Variants in PRPF38A observed in about 807,000 individuals in gnomAD.
PRPF38A encodes pre-mRNA processing factor 38A.
PRPF38A carries 11 observed loss-of-function variants against 46.8 expected under a neutral mutation model. The ratio of observed to expected loss-of-function variants is 0.24; its 90% CI spans 0.15 to 0.39. The LOEUF (loss-of-function observed/expected upper bound fraction) is 0.39, where lower values mean the gene tolerates loss of function less well. Ranked by LOEUF, PRPF38A falls within the 10% of genes least tolerant of loss-of-function variation. The probability of loss-of-function intolerance (pLI) is 1.00; values close to 1 mark genes in which losing one functional copy is unlikely to be tolerated. For missense variants in PRPF38A, 261 were observed against 407.5 expected, an observed-to-expected ratio of 0.64 and a Z score of 3.10; for synonymous variants, 124 against 136.2, an observed-to-expected ratio of 0.91 and a Z score of 0.62.
Position 52,405,755 on chromosome 1 carries a change from C to T in PRPF38A, c.206C>T (p.Pro69Leu), listed in dbSNP as rs1347529145. Residue 69 changes from proline (P) to leucine (L), a missense_variant, in exon 2 of 10, where the codon CCC becomes CTC. Pro to Leu is a moderately conservative substitution (Grantham distance 98). Transcript: ENST00000257181. ...GVYGGNIKPT[P>L]FLCLTLKMLQ... The stretch of plus-strand genomic sequence containing the variant: ...TATGGTGGCAACATAAAACCAACAC[C>T]CTTTCTGTGTTTAACCTTGAAGATG... 6.2e-7 allele frequency: 1 copy of T among 1,613,908 alleles called. No homozygotes were observed. The highest frequency in any genetic ancestry group is 2.2e-5 in the East Asian group (1 of 44,868).
intron 3 of PRPF38A, among the ~76,000 whole-genome samples, chr1:52,410,127 A>G (rs969086358): frequency 8.1e-6 from 1 of 123,072 alleles, no homozygotes; most frequent in African/African-American, 2.6e-5. Flanking sequence ...TATATAATTT[A>G]TATATAACAT....
At position 52,419,472 on chromosome 1, in the gene PRPF38A, C is replaced by CGAA. The variant is rs1557595866; in HGVS notation, c.*2784_*2786dup. 6.6e-6 allele frequency: 1 copy of CGAA among 151,288 alleles called. No homozygotes were observed. The highest frequency in any genetic ancestry group is 1.5e-5 in the Non-Finnish European group (1 of 67,920). 9.4% of individuals were successfully genotyped at this position (151,288 alleles called of 1,614,324 possible). A position where few individuals can be genotyped will look rare whatever the true frequency, so the allele number is the denominator to read the frequency against. ...TCCTGTTTGTTATTCTTCAGTAGAC[C>CGAA]GAAGTTTAAATAAGCATTATTTAGA... On this transcript the variant is annotated 3_prime_UTR_variant, in exon 10 of 10. Transcript: ENST00000257181.
At chr1:52,414,018 C>G in intron 6 of PRPF38A, 27 bp downstream of exon 6, 1 of 1,504,734 alleles carries the variant, frequency 6.6e-7, no homozygotes, top group Non-Finnish European at 9.2e-7. Flanking sequence ...GGCCTTTTCC[C>G]AGAAGATTTT....
Position 52,414,746 on chromosome 1 carries a change from C to G in PRPF38A, c.750-16C>G. 1 of 1,613,994 alleles carries G rather than the reference C, an allele frequency of 6.2e-7. No homozygotes were observed. The highest frequency in any genetic ancestry group is 8.5e-7 in the Non-Finnish European group (1 of 1,179,914). On this transcript the variant is annotated splice_polypyrimidine_tract_variant and intron_variant, in intron 7 of 9. Transcript: ENST00000257181. The stretch of plus-strand genomic sequence containing the variant: ...TTGCTAACCAGATCTGGTAGTCTGA[C>G]CAGTCTTTTCTACAGCCCCTCCCCT...
intron 8 of PRPF38A, 143 bp from the exon 9 acceptor site, chr1:52,415,195 A>T: frequency 1.4e-6 from 1 of 733,414 alleles, no homozygotes; most frequent in Non-Finnish European, 2.3e-6. Flanking sequence ...TCCTCCACTA[A>T]TTCAGAGTTG....
In PRPF38A at chr1:52,416,691, T is replaced by A; in HGVS notation, c.*1T>A. On this transcript the variant is annotated 3_prime_UTR_variant, in exon 10 of 10. Coordinates refer to ENST00000257181, the MANE Select transcript of PRPF38A (RefSeq NM_032864.4). ...GAAGAGCCGGAGAGGGAATGAGTAATGGACTCAGTTTGGTTTTAGTCCACA... is the reference window on the plus strand; with the variant it reads ...GAAGAGCCGGAGAGGGAATGAGTAAAGGACTCAGTTTGGTTTTAGTCCACA... 7 of 1,611,406 alleles carry A rather than the reference T, an allele frequency of 4.3e-6. No individual in the cohort carries two copies. The highest frequency in any genetic ancestry group is 5.9e-6 in the Non-Finnish European group (7 of 1,177,494).
rs1648434779 is a variant in PRPF38A at position 52,420,576 on chromosome 1, T to C, written c.*3886T>C. 2 of 152,198 alleles carry C rather than the reference T, an allele frequency of 1.3e-5. No homozygotes were observed. The highest frequency in any genetic ancestry group is 1.3e-4 in the Admixed American group (2 of 15,276). 9.4% of individuals were successfully genotyped at this position (152,198 alleles called of 1,614,324 possible). A position where few individuals can be genotyped will look rare whatever the true frequency, so the allele number is the denominator to read the frequency against. On this transcript the variant is annotated 3_prime_UTR_variant, in exon 10 of 10. Coordinates refer to ENST00000257181, the MANE Select transcript of PRPF38A (RefSeq NM_032864.4). ...TCTTGTGGGGAAAAAAGTATTTAAA[T>C]TGAGCATTTTTTCAGTTTCACACTT...
intron 1 of PRPF38A, 35 bp from the exon 2 acceptor site, chr1:52,405,645 C>T (rs1266328589): frequency 1.9e-6 from 3 of 1,607,216 alleles, no homozygotes; most frequent in South Asian, 1.1e-5. Flanking sequence ...AAGAGCTTAG[C>T]CCTAATATGT....
intron 5 of PRPF38A, among the ~76,000 whole-genome samples, chr1:52,413,037 A>G (rs145927551): frequency 6.6e-6 from 1 of 152,274 alleles, no homozygotes; most frequent in African/African-American, 2.4e-5. Flanking sequence ...CAAAAACAAT[A>G]TTTCCTTATT....
rs553666399 is a variant in PRPF38A, at chr1:52,418,117, T to C, written c.*1427T>C. On this transcript the variant is annotated 3_prime_UTR_variant, in exon 10 of 10. Coordinates refer to ENST00000257181, the MANE Select transcript of PRPF38A (RefSeq NM_032864.4). Reference sequence around the variant, plus strand: ...ATCTGGTCATAAGGTAAACATTCTATATATTCTATGCCTGCTCTAGAATTG... The same window carrying C: ...ATCTGGTCATAAGGTAAACATTCTACATATTCTATGCCTGCTCTAGAATTG... The C allele has an allele frequency of 3.9e-5, 6 of 152,778 alleles. No homozygotes were observed. In the East Asian group the frequency reaches 9.6e-4, roughly 25 times the overall value. 9.5% of individuals were successfully genotyped at this position (152,778 alleles called of 1,614,324 possible).
rs764752516 is a variant in PRPF38A at position 52,408,556 on chromosome 1, A to G, written c.291-13A>G. ...TAGGATGGCCTGTTGTTTCACTGTC[A>G]TCTGTCTCTCAGGTATGTCCGCATG... On this transcript the variant is annotated splice_polypyrimidine_tract_variant and intron_variant, in intron 2 of 9. Coordinates refer to ENST00000257181, the MANE Select transcript of PRPF38A (RefSeq NM_032864.4). 8 of 1,613,992 alleles carry G rather than the reference A, an allele frequency of 5.0e-6. No individual in the cohort carries two copies. The highest frequency in any genetic ancestry group is 3.3e-5 in the Admixed American group (2 of 60,006).
At position 52,418,925 on chromosome 1, in the gene PRPF38A, T is replaced by C. The variant is rs1648367320; in HGVS notation, c.*2235T>C. The C allele has an allele frequency of 6.6e-6, 1 of 152,278 alleles. No homozygotes were observed. The highest frequency in any genetic ancestry group is 2.4e-5 in the African/African-American group (1 of 41,482). The allele number at this position is 152,278 out of a possible 1,614,324, so 9.4% of individuals were successfully genotyped here. On this transcript the variant is annotated 3_prime_UTR_variant, in exon 10 of 10. Coordinates refer to ENST00000257181, the MANE Select transcript of PRPF38A (RefSeq NM_032864.4). Reference sequence around the variant, plus strand: ...GTGTTTCCTACTTGTTAACAGTTTTTAATATTGGATGAAACCACTTAATCG... The same window carrying C: ...GTGTTTCCTACTTGTTAACAGTTTTCAATATTGGATGAAACCACTTAATCG...
At chr1:52,405,953 A>C in intron 2 of PRPF38A, 114 bp downstream of exon 2, 1 of 907,342 alleles carries the variant, frequency 1.1e-6, no homozygotes, top group Non-Finnish European at 1.7e-6. Flanking sequence ...GTTCCACTCC[A>C]GATTTTTGCT....
chr1:52,413,786 T>C, intron 5 of PRPF38A, 93 bp from the exon 6 acceptor site: 1 of 795,388 alleles, frequency 1.3e-6, no homozygotes, highest in South Asian at 1.6e-5. Flanking sequence ...GAGATGGACT[T>C]TGGGACAAGA....
rs970354792 is a variant in PRPF38A at position 52,414,709 on chromosome 1, G to A, written c.750-53G>A. 1.7e-5 allele frequency: 27 copies of A among 1,613,456 alleles called. 1 individual carries two copies. The highest frequency in any genetic ancestry group is 2.1e-5 in the Non-Finnish European group (25 of 1,179,530). On this transcript the variant is annotated intron_variant, in intron 7 of 9. Coordinates refer to ENST00000257181, the MANE Select transcript of PRPF38A (RefSeq NM_032864.4). ...TTGGGGAGGGGGTGGTGGTATTGGTGTTATATGTATATTGCTAACCAGATC... is the reference window on the plus strand; with the variant it reads ...TTGGGGAGGGGGTGGTGGTATTGGTATTATATGTATATTGCTAACCAGATC...
At position 52,414,611 on chromosome 1, in the gene PRPF38A, C is replaced by T; in HGVS notation, c.723-10C>T. On this transcript the variant is annotated splice_polypyrimidine_tract_variant and intron_variant, in intron 6 of 9. Transcript: ENST00000257181. ...CAACCTAGGCTTTCTTCTTCCTCTC[C>T]TCTTTATAGGCGGAGTCGATCTCCC... The T allele has an allele frequency of 6.2e-7, 1 of 1,613,292 alleles. No homozygotes were observed. The highest frequency in any genetic ancestry group is 1.1e-5 in the South Asian group (1 of 91,016).
At chr1:52,408,445 A>G (rs762347658) in intron 2 of PRPF38A, 124 bp from the exon 3 acceptor site, 31 of 1,321,248 alleles carry the variant, frequency 2.3e-5, no homozygotes, top group South Asian at 1.9e-4. Context: ...TACCTCCACA[A>G]TTGCAGCTTT....
rs777083086 is a variant in PRPF38A, at chr1:52,413,905, C to T, written c.636C>T (p.His212=). ...EKLERVPSPD[H]RRRSYRDLDK... ...TGGAAAGAGTGCCATCACCTGATCA[C>T]CGCCGGAGAAGCTACCGAGACTTGG... The change falls in exon 6 of 10, where the codon CAC becomes CAT. Residue 212 remains histidine, a synonymous_variant. Coordinates refer to ENST00000257181, the MANE Select transcript of PRPF38A (RefSeq NM_032864.4). The T allele has an allele frequency of 5.6e-6, 9 of 1,613,638 alleles. No individual in the cohort carries two copies. The highest frequency in any genetic ancestry group is 7.6e-6 in the Non-Finnish European group (9 of 1,179,812).
rs767261584 is a variant in PRPF38A, at chr1:52,411,097, A to G, written c.413-18A>G. On this transcript the variant is annotated intron_variant, in intron 3 of 9. Transcript: ENST00000257181. Reference sequence around the variant, plus strand: ...CTTTTATTTCCAGGTTGTTTGCTCTAATGACTTTTTCTTGCAGAGTTTGAA... The same window carrying G: ...CTTTTATTTCCAGGTTGTTTGCTCTGATGACTTTTTCTTGCAGAGTTTGAA... 4 of 1,594,628 alleles carry G rather than the reference A, an allele frequency of 2.5e-6. No homozygotes were observed. Among genetic ancestry groups the G allele is most frequent in the Non-Finnish European group, 3.4e-6 (4 of 1,163,278 alleles).
Sources: gnomAD v4.1 joint callset for allele counts (sites outside exome capture counted in the v4.1 genomes callset) on GRCh38, gnomAD v4.1.1 for gene constraint, MANE v1.5 for transcripts, NCBI Gene and HGNC (gene_info 2026-07-23, HGNC 2026-07-21) for gene names.